Variants in RUNX2 observed in about 807,000 individuals in gnomAD.
The protein encoded by RUNX2 is RUNX family transcription factor 2.
A neutral mutation model predicts 51.7 loss-of-function variants in RUNX2; 10 were observed. The observed-to-expected ratio is 0.19, with a 90% confidence interval of 0.12 to 0.33. The LOEUF (loss-of-function observed/expected upper bound fraction) is 0.33. Among genes scored for constraint, RUNX2 ranks in the 10% least tolerant of loss-of-function variants. The pLI is 1.00. For missense variants in RUNX2, 562 were observed against 691.3 expected (o/e 0.81, Z 2.10); for synonymous variants, 276 against 273.6 (o/e 1.01, Z -0.09).
chr6:45,474,230 A>G (rs981329510), intron 5 of RUNX2, among the ~76,000 whole-genome samples: 3 of 150,786 alleles, frequency 2.0e-5, no homozygotes, highest in African/African-American at 2.4e-5. Flanking sequence ...TCACAGTGCT[A>G]TTGTGCCCTA....
chr6:45,346,323 T>C (rs1790850078), intron 2 of RUNX2, among the ~76,000 whole-genome samples: 1 of 151,976 alleles, frequency 6.6e-6, no homozygotes, highest in African/African-American at 2.4e-5. Flanking sequence ...ATAAATAAAA[T>C]AGATTTTTAA....
chr6:45,328,761 C>T lies in RUNX2; in HGVS notation c.35C>T (p.Pro12Leu), dbSNP rs373621180. ...ASNSLFSTVTPCQQNFFWDPS... is the reference protein window; with the variant it reads ...ASNSLFSTVTLCQQNFFWDPS... Reference sequence around the variant, plus strand: ...AACAGCCTCTTCAGCACAGTGACACCATGTCAGCAAAACTTCTTTTGGGGT... The same window carrying T: ...AACAGCCTCTTCAGCACAGTGACACTATGTCAGCAAAACTTCTTTTGGGGT... The change falls in exon 2 of 9, where the codon CCA becomes CTA. Residue 12 changes from proline to leucine, a missense_variant. Around this residue, in one of 5 missense-constraint regions of RUNX2, gnomAD observed 153 missense variants for 144.8 expected, o/e 1.06. Coordinates refer to ENST00000647337, the MANE Select transcript of RUNX2 (RefSeq NM_001024630.4). 1 of 1,611,938 alleles carries T rather than the reference C, an allele frequency of 6.2e-7. No homozygotes were observed. The highest frequency in any genetic ancestry group is 1.3e-5 in the African/African-American group (1 of 74,748).
At chr6:45,330,488 T>C (rs1382101936) in intron 2 of RUNX2, among the ~76,000 whole-genome samples, 1 of 151,996 alleles carries the variant, frequency 6.6e-6, no homozygotes, top group African/African-American at 2.4e-5. Context: ...TGTTTAACTA[T>C]TTATTTTAAA....
intron 2 of RUNX2, among the ~76,000 whole-genome samples, chr6:45,403,715 A>T (rs1797770615): frequency 6.6e-6 from 1 of 152,232 alleles, no homozygotes; most frequent in African/African-American, 2.4e-5. Flanking sequence ...CCAGGGATTC[A>T]ATAGTAAACA....
At chr6:45,497,429 C>T (rs890002729) in intron 6 of RUNX2, among the ~76,000 whole-genome samples, 1 of 152,102 alleles carries the variant, frequency 6.6e-6, no homozygotes, top group African/African-American at 2.4e-5. Context: ...GACTTTTTCT[C>T]CTTTTGTAAT....
intron 2 of RUNX2, among the ~76,000 whole-genome samples, chr6:45,365,712 A>G (rs1454938472): frequency 6.7e-6 from 1 of 149,496 alleles, no homozygotes; most frequent in Admixed American, 6.8e-5. Flanking sequence ...CAGGCCACGG[A>G]ACAACCCTGA....
intron 2 of RUNX2, among the ~76,000 whole-genome samples, chr6:45,363,134 C>T (rs192310815): frequency 1.3e-5 from 2 of 151,990 alleles, no homozygotes; most frequent in African/African-American, 2.4e-5. Flanking sequence ...CTTTACAGGC[C>T]ATATAGTCTC....
At chr6:45,444,456 G>T (rs1229921141) in intron 5 of RUNX2, among the ~76,000 whole-genome samples, 1 of 152,154 alleles carries the variant, frequency 6.6e-6, no homozygotes. Flanking sequence ...AGAGTACATG[G>T]CTGCAACATT....
At chr6:45,343,593 C>T (rs559295526) in intron 2 of RUNX2, among the ~76,000 whole-genome samples, 5 of 152,278 alleles carry the variant, frequency 3.3e-5, no homozygotes, top group African/African-American at 1.2e-4. Flanking sequence ...TAAAAAATGC[C>T]TTCAATAATT....
chr6:45,369,334 C>T lies in RUNX2; in HGVS notation c.58+40550C>T, dbSNP rs80303043. On this transcript the variant is annotated intron_variant, in intron 2 of 8. Coordinates refer to ENST00000647337, the MANE Select transcript of RUNX2 (RefSeq NM_001024630.4). The stretch of plus-strand genomic sequence containing the variant: ...CCTACCCAAACTCTACTGACCTAAG[C>T]CCATCTCCAAGAAACCTTCCCAGAT... Among the ~76,000 whole-genome samples, 1,064 of 152,230 alleles carry T rather than the reference C, an allele frequency of 7.0e-3. 18 individuals carry two copies. The highest frequency in any genetic ancestry group is 0.024 in the African/African-American group (1,012 of 41,538).
intron 2 of RUNX2, among the ~76,000 whole-genome samples, chr6:45,348,421 C>G (rs1168486395): frequency 2.7e-5 from 4 of 150,648 alleles, no homozygotes; most frequent in Non-Finnish European, 4.4e-5. Context: ...AATCCCAGCA[C>G]TTTGGGAGGC....
Position 45,378,828 on chromosome 6 carries a change from C to A in RUNX2, c.59-43765C>A, listed in dbSNP as rs113638915. On this transcript the variant is annotated intron_variant, in intron 2 of 8. Coordinates refer to ENST00000647337, the MANE Select transcript of RUNX2 (RefSeq NM_001024630.4). The stretch of plus-strand genomic sequence containing the variant: ...TCGTAAGACAATGCTTTCAGTCTTT[C>A]ACTCTTTATATTATATGAAGTCTTA... Among the ~76,000 whole-genome samples the A allele has an allele frequency of 9.0e-3, 1,375 of 152,250 alleles. 14 individuals carry two copies. The highest frequency in any genetic ancestry group is 0.028 in the South Asian group (136 of 4,828).
intron 2 of RUNX2, among the ~76,000 whole-genome samples, chr6:45,364,453 A>C (rs1049490874): frequency 6.6e-6 from 1 of 152,178 alleles, no homozygotes; most frequent in Non-Finnish European, 1.5e-5. Flanking sequence ...GTCATGAATA[A>C]TGTATCCACA....
intron 8 of RUNX2, 103 bp downstream of exon 8, chr6:45,545,385 T>A: frequency 7.8e-7 from 1 of 1,274,412 alleles, no homozygotes; most frequent in Non-Finnish European, 1.1e-6. Context: ...ATGTTGCTTT[T>A]AAAGAGTCAC....
At chr6:45,530,730 A>G (rs966142869) in intron 7 of RUNX2, among the ~76,000 whole-genome samples, 1 of 152,208 alleles carries the variant, frequency 6.6e-6, no homozygotes, top group Non-Finnish European at 1.5e-5. Flanking sequence ...GGAACTCCAG[A>G]GAGTGAGGGA....
At chr6:45,380,826 C>T (rs1244073563) in intron 2 of RUNX2, among the ~76,000 whole-genome samples, 2 of 152,174 alleles carry the variant, frequency 1.3e-5, no homozygotes, top group Non-Finnish European at 2.9e-5. Context: ...CTGCCTGCCT[C>T]GGCCTCCCAA....
intron 6 of RUNX2, among the ~76,000 whole-genome samples, chr6:45,507,264 A>G (rs1297501727): frequency 6.6e-6 from 1 of 152,144 alleles, no homozygotes; most frequent in African/African-American, 2.4e-5. Context: ...TGAGGCTGAG[A>G]TAAAGACAGT....
chr6:45,395,343 A>G lies in RUNX2; in HGVS notation c.59-27250A>G, dbSNP rs138613933. Among the ~76,000 whole-genome samples the G allele has an allele frequency of 3.9e-5, 6 of 152,334 alleles. No individual in the cohort carries two copies. The East Asian group carries it at 5.8e-4, about 15-fold the overall frequency. On this transcript the variant is annotated intron_variant, in intron 2 of 8. Transcript: ENST00000647337. ...GATGACTATTAGAATCTGAACATCT[A>G]TCAGCTGAAGTCACGCTGGTACTCA...
At chr6:45,410,987 A>T (rs1797938334) in intron 2 of RUNX2, among the ~76,000 whole-genome samples, 1 of 152,144 alleles carries the variant, frequency 6.6e-6, no homozygotes, top group Non-Finnish European at 1.5e-5. Flanking sequence ...ATCTTTTAGG[A>T]TGTGCAGAGA....
Sources: allele counts gnomAD v4.1 joint callset (sites outside exome capture counted in the v4.1 genomes callset), GRCh38; gene constraint gnomAD v4.1.1; regional missense constraint gnomAD v4.1.1; transcripts MANE v1.5; gene names NCBI Gene and HGNC (gene_info 2026-07-23, HGNC 2026-07-21).